The following STIM1 variants were observed in gnomAD, a reference collection of about 807,000 sequenced individuals.
STIM1 encodes the protein stromal interaction molecule 1.
STIM1 carries 25 observed loss-of-function variants against 74.7 expected under a neutral mutation model. The ratio of observed to expected loss-of-function variants is 0.33; its 90% CI spans 0.24 to 0.47. The LOEUF (loss-of-function observed/expected upper bound fraction) is 0.47. STIM1 is among the 20% of genes least tolerant of loss of function. The probability of loss-of-function intolerance (pLI) is 1.00; values close to 1 mark genes in which losing one functional copy is unlikely to be tolerated. For synonymous variants in STIM1, 328 were observed against 348.8 expected (o/e 0.94, Z 0.66); for missense variants, 728 against 920.8 (o/e 0.79, Z 2.71).
intron 3 of STIM1, among the ~76,000 whole-genome samples, chr11:4,036,409 C>T (rs1383085295): frequency 6.6e-6 from 1 of 152,184 alleles, no homozygotes; most frequent in Admixed American, 6.5e-5. Flanking sequence ...ATTTCTGCTT[C>T]TAGATCTTTG....
At chr11:3,895,000 C>T (rs954316742) in intron 1 of STIM1, among the ~76,000 whole-genome samples, 8 of 150,422 alleles carry the variant, frequency 5.3e-5, no homozygotes, top group Admixed American at 2.7e-4. Context: ...CCACCCGCTT[C>T]GGCCTCCCAA....
chr11:3,976,232 A>G (rs1385023101), intron 2 of STIM1, among the ~76,000 whole-genome samples: 2 of 152,232 alleles, frequency 1.3e-5, no homozygotes, highest in Admixed American at 1.3e-4. Flanking sequence ...ACTAATATAC[A>G]CAACATATGT....
At chr11:3,930,107 T>C (rs7950153) in intron 1 of STIM1, among the ~76,000 whole-genome samples, 47,550 of 152,006 alleles carry the variant, frequency 0.31, 7,617 homozygotes, top group South Asian at 0.46. Flanking sequence ...CAAGTGGAAA[T>C]GCTTAGCATT....
chr11:3,892,485 C>A, intron 1 of STIM1: 1 of 1,536,852 alleles, frequency 6.5e-7, no homozygotes, highest in Non-Finnish European at 9.0e-7. Flanking sequence ...ATATTCATGC[C>A]TTCTTTCGCC....
chr11:4,055,671 G>T, intron 4 of STIM1, 34 bp downstream of exon 4: 1 of 1,522,362 alleles, frequency 6.6e-7, no homozygotes, highest in South Asian at 1.2e-5. Flanking sequence ...TCTGTTGAGG[G>T]TACGGGGAAT....
intron 1 of STIM1, among the ~76,000 whole-genome samples, chr11:3,869,037 T>C (rs1359532345): frequency 6.6e-6 from 1 of 152,120 alleles, no homozygotes; most frequent in Non-Finnish European, 1.5e-5. Flanking sequence ...GGCGCCATCT[T>C]GGCTCATTGC....
At chr11:3,954,863 C>A (rs1404104430) in intron 1 of STIM1, among the ~76,000 whole-genome samples, 1 of 152,154 alleles carries the variant, frequency 6.6e-6, no homozygotes, top group East Asian at 1.9e-4. Flanking sequence ...GTTAAACATA[C>A]TTTTATTTTG....
chr11:3,936,545 T>C (rs1422778463), intron 1 of STIM1, among the ~76,000 whole-genome samples: 1 of 152,140 alleles, frequency 6.6e-6, no homozygotes, highest in Non-Finnish European at 1.5e-5. Context: ...GAGAGTCTTA[T>C]AATAAGGTTA....
chr11:4,029,965 C>A (rs1021548932), intron 3 of STIM1, among the ~76,000 whole-genome samples: 7 of 152,138 alleles, frequency 4.6e-5, no homozygotes, highest in African/African-American at 1.4e-4. Flanking sequence ...CTTAAAGTTG[C>A]AGTTTCCAAC....
At chr11:3,867,267 G>A (rs11030127) in intron 1 of STIM1, 37,778 of 152,166 alleles carry the variant, frequency 0.25, 4,991 homozygotes, top group East Asian at 0.29. Flanking sequence ...ATGAGGGATG[G>A]TTTGGCTATT....
chr11:4,052,371 T>C (rs1321266830), intron 3 of STIM1, among the ~76,000 whole-genome samples: 1 of 152,208 alleles, frequency 6.6e-6, no homozygotes, highest in Non-Finnish European at 1.5e-5. Context: ...AACAGCATGG[T>C]ACCGGTACCA....
At chr11:3,972,838 C>T (rs2093409651) in intron 2 of STIM1, 2 of 474,924 alleles carry the variant, frequency 4.2e-6, no homozygotes, top group South Asian at 3.1e-5. Context: ...TGACTGGAAC[C>T]ACCATAGCTG....
intron 1 of STIM1, among the ~76,000 whole-genome samples, chr11:3,937,885 TC>T (rs1299839360): frequency 6.6e-6 from 1 of 151,464 alleles, no homozygotes; most frequent in Non-Finnish European, 1.5e-5. Flanking sequence ...GCTGTTGGTG[TC>T]CCCCCCTACC....
intron 1 of STIM1, among the ~76,000 whole-genome samples, chr11:3,871,878 G>A (rs1192698555): frequency 1.3e-5 from 2 of 152,168 alleles, no homozygotes; most frequent in African/African-American, 4.8e-5. Flanking sequence ...CAGATCTTAT[G>A]AAATAATGTG....
chr11:3,935,005 A>C (rs1011089530), intron 1 of STIM1, among the ~76,000 whole-genome samples: 11 of 152,236 alleles, frequency 7.2e-5, no homozygotes, highest in African/African-American at 2.7e-4. Flanking sequence ...GTTCCCTGTA[A>C]TAGCAGCTGA....
chr11:3,938,125 A>G (rs1031803596), intron 1 of STIM1, among the ~76,000 whole-genome samples: 2 of 151,884 alleles, frequency 1.3e-5, no homozygotes, highest in African/African-American at 4.8e-5. Flanking sequence ...TTTAGTAGAG[A>G]CAGGGTTTTG....
intron 3 of STIM1, among the ~76,000 whole-genome samples, chr11:4,028,149 C>CT (rs35571583): frequency 0.19 from 28,762 of 152,112 alleles, 4,648 homozygotes; most frequent in African/African-American, 0.45. Flanking sequence ...GTGGCATGAT[C>CT]TTTGCTCACT....
At chr11:3,884,007 A>T (rs1024772676) in intron 1 of STIM1, among the ~76,000 whole-genome samples, 1 of 152,192 alleles carries the variant, frequency 6.6e-6, no homozygotes. Context: ...GGAGATAAGT[A>T]ATATAATGCT....
At position 3,996,058 on chromosome 11, in the gene STIM1, C is replaced by T. The variant is rs1425933914; in HGVS notation, c.271-27815C>T. On this transcript the variant is annotated intron_variant, in intron 2 of 12. Transcript: ENST00000526596. ...TCTTTTCCTTTCACCACAACTTCTA[C>T]TCTTTTGAGAGTACCCTACCCTTAG... Among the ~76,000 whole-genome samples the T allele has an allele frequency of 2.6e-5, 4 of 152,164 alleles. No homozygotes were observed. The South Asian group carries it at 8.3e-4, about 32-fold the overall frequency.
Sources: allele counts gnomAD v4.1 joint callset (sites outside exome capture counted in the v4.1 genomes callset), GRCh38; gene constraint gnomAD v4.1.1; transcripts MANE v1.5; gene names NCBI Gene and HGNC (gene_info 2026-07-23, HGNC 2026-07-21).